The following NEK1 variants were observed in gnomAD, a reference collection of about 807,000 sequenced individuals.
NEK1 encodes NIMA related kinase 1.
A neutral mutation model predicts 182.1 loss-of-function variants in NEK1; 137 were observed. That is an observed-to-expected ratio of 0.75 (90% CI 0.65 to 0.87). The LOEUF is 0.87. NEK1 is among the 40% of genes least tolerant of loss of function. The pLI, the probability that NEK1 is intolerant of heterozygous loss-of-function variation, is 0.00. For missense variants in NEK1, 1,391 were observed against 1,494.4 expected (o/e 0.93, Z 1.14); for synonymous variants, 513 against 492.2 (o/e 1.04, Z -0.56).
At chr4:169,394,926 G>C (rs1730439039) in intron 35 of NEK1, among the ~76,000 whole-genome samples, 1 of 152,060 alleles carries the variant, frequency 6.6e-6, no homozygotes, top group South Asian at 2.1e-4. Flanking sequence ...TAGGTGGTGG[G>C]TGCATGGGTG....
intron 31 of NEK1, among the ~76,000 whole-genome samples, chr4:169,407,917 T>C (rs999871457): frequency 2.0e-5 from 3 of 152,320 alleles, no homozygotes; most frequent in South Asian, 4.1e-4. Context: ...AAGGGAAAAA[T>C]CGTTATGAAC....
At chr4:169,543,553 T>C (rs1227426662) in intron 18 of NEK1, among the ~76,000 whole-genome samples, 5 of 152,344 alleles carry the variant, frequency 3.3e-5, no homozygotes, top group Admixed American at 2.0e-4. Context: ...GGGGATAGCA[T>C]TGAATCTATA....
At chr4:169,551,810 C>A (rs1285763644) in intron 18 of NEK1, among the ~76,000 whole-genome samples, 2 of 151,778 alleles carry the variant, frequency 1.3e-5, no homozygotes, top group Non-Finnish European at 2.9e-5. Flanking sequence ...AAAAAAAAGC[C>A]TCTTGTGATT....
chr4:169,563,949 C>T (rs1763315574), intron 12 of NEK1, among the ~76,000 whole-genome samples: 1 of 152,092 alleles, frequency 6.6e-6, no homozygotes, highest in Non-Finnish European at 1.5e-5. Context: ...ATAATTATTA[C>T]ATTATTTTTT....
intron 18 of NEK1, among the ~76,000 whole-genome samples, chr4:169,542,338 T>G (rs1349173308): frequency 6.6e-6 from 1 of 152,204 alleles, no homozygotes; most frequent in Admixed American, 6.5e-5. Flanking sequence ...GAACTCATTC[T>G]TTTTTATGGC....
intron 19 of NEK1, among the ~76,000 whole-genome samples, chr4:169,512,337 A>G (rs890606910): frequency 2.0e-5 from 3 of 152,010 alleles, no homozygotes; most frequent in Non-Finnish European, 4.4e-5. Flanking sequence ...TGATAACATC[A>G]TTGTGGTTTA....
Position 169,597,865 on chromosome 4 carries a change from C to T in NEK1, c.312+1235G>A, listed in dbSNP as rs555167289. 4.3e-3 allele frequency among the ~76,000 whole-genome samples: 657 copies of T among 151,970 alleles called. 3 individuals carry two copies. The highest frequency in any genetic ancestry group is 0.021 in the South Asian group (103 of 4,796). On this transcript the variant is annotated intron_variant, in intron 5 of 35. Coordinates refer to ENST00000507142, the MANE Select transcript of NEK1 (RefSeq NM_001199397.3). ...AGGAGAATGGCGTGAACCCGGAAGG[C>T]GGAGGTTGCAGTGAGTCGAGATTGT...
intron 26 of NEK1, among the ~76,000 whole-genome samples, chr4:169,465,749 C>T (rs536539903): frequency 1.6e-4 from 25 of 152,164 alleles, no homozygotes; most frequent in African/African-American, 4.3e-4. Context: ...ATTAGCAGTA[C>T]GCTAATGCAC....
chr4:169,492,840 G>A (rs1004421448), intron 23 of NEK1, among the ~76,000 whole-genome samples: 1 of 152,166 alleles, frequency 6.6e-6, no homozygotes, highest in African/African-American at 2.4e-5. Context: ...AGACAGAGCA[G>A]CCTGTCAAAG....
At position 169,400,279 on chromosome 4, in the gene NEK1, G is replaced by T; in HGVS notation, c.3793C>A (p.His1265Asn). 1 of 1,568,470 alleles carries T rather than the reference G, an allele frequency of 6.4e-7. No homozygotes were observed. Among genetic ancestry groups the T allele is most frequent in the Non-Finnish European group, 8.7e-7 (1 of 1,154,264 alleles). The change falls in exon 35 of 36, where the codon CAT becomes AAT. Residue 1265 changes from histidine (H) to asparagine (N), a missense_variant. Around this residue, in one of 5 missense-constraint regions of NEK1, gnomAD observed 1,216 missense variants for 1,277.6 expected, o/e 0.95. Transcript: ENST00000507142. ...AAATGAAGAATCTTGGCATAAAGAT[G>T]CTGATGTTCATTTCCCAAAATATTT... ...VQNILGNEHQ[H>N]LYAKILHLVM...
At chr4:169,587,418 A>C in intron 9 of NEK1, 141 bp downstream of exon 9, 1 of 488,670 alleles carries the variant, frequency 2.0e-6, no homozygotes, top group Non-Finnish European at 3.6e-6. Flanking sequence ...CTTCAGAAAA[A>C]ATGAGAAATT....
chr4:169,437,687 A>G (rs770192587), intron 28 of NEK1, among the ~76,000 whole-genome samples: 11 of 152,192 alleles, frequency 7.2e-5, no homozygotes, highest in Non-Finnish European at 1.5e-4. Flanking sequence ...GAAACCACAT[A>G]AAGAGGGAGA....
At chr4:169,498,275 C>T (rs1032874407) in intron 23 of NEK1, among the ~76,000 whole-genome samples, 21 of 152,110 alleles carry the variant, frequency 1.4e-4, no homozygotes, top group African/African-American at 4.3e-4. Context: ...TCCTCCATCC[C>T]TTTATTTTGA....
At chr4:169,559,081 C>T (rs542096861) in intron 16 of NEK1, among the ~76,000 whole-genome samples, 1 of 152,192 alleles carries the variant, frequency 6.6e-6, no homozygotes, top group East Asian at 1.9e-4. Context: ...TCAATGAAAG[C>T]ATTACAGAAG....
chr4:169,562,604 CCA>C (rs1313593179), intron 12 of NEK1, among the ~76,000 whole-genome samples: 3 of 152,070 alleles, frequency 2.0e-5, no homozygotes, highest in Admixed American at 6.5e-5. Context: ...CTCTCCACCT[CCA>C]GAGTAACGGT....
chr4:169,473,229 G>A (rs1746339285), intron 26 of NEK1, among the ~76,000 whole-genome samples: 2 of 146,226 alleles, frequency 1.4e-5, no homozygotes, highest in Non-Finnish European at 1.5e-5. Context: ...CTGCAGCACT[G>A]TATTCCAGCC....
At chr4:169,483,985 T>G (rs1314281478) in intron 23 of NEK1, among the ~76,000 whole-genome samples, 3 of 152,172 alleles carry the variant, frequency 2.0e-5, no homozygotes, top group African/African-American at 7.2e-5. Context: ...TTGTTTTAAT[T>G]ACTATAGTAT....
At chr4:169,535,251 A>C (rs1468296340) in intron 19 of NEK1, among the ~76,000 whole-genome samples, 1 of 152,150 alleles carries the variant, frequency 6.6e-6, no homozygotes, top group Non-Finnish European at 1.5e-5. Context: ...TGAACCCAGG[A>C]AGCAGAGGTT....
intron 16 of NEK1, among the ~76,000 whole-genome samples, chr4:169,558,148 C>T (rs1033967751): frequency 7.9e-5 from 12 of 152,104 alleles, no homozygotes; most frequent in Non-Finnish European, 1.0e-4. Flanking sequence ...TTGAATTTAG[C>T]CCAATGCTAA....
Sources: gnomAD v4.1 joint callset for allele counts (sites outside exome capture counted in the v4.1 genomes callset) on GRCh38, gnomAD v4.1.1 for gene constraint, gnomAD v4.1.1 regional missense constraint, MANE v1.5 for transcripts, NCBI Gene and HGNC (gene_info 2026-07-23, HGNC 2026-07-21) for gene names.